Variants in FAM20A observed in about 807,000 individuals in gnomAD.
FAM20A encodes pseudokinase FAM20A.
FAM20A carries 42 observed loss-of-function variants against 52.0 expected under a neutral mutation model. The ratio of observed to expected loss-of-function variants is 0.81; its 90% confidence interval spans 0.63 to 1.04. FAM20A has a LOEUF of 1.04. Among genes scored for constraint, FAM20A ranks in the 50% least tolerant of loss-of-function variants. The pLI is 0.00. For missense variants in FAM20A, 742 were observed against 712.7 expected, an observed-to-expected ratio of 1.04 and a Z score of -0.47; for synonymous variants, 304 against 298.9, an observed-to-expected ratio of 1.02 and a Z score of -0.18.
chr17:68,539,522 T>A, intron 9 of FAM20A, 126 bp from the exon 10 acceptor site: 2 of 831,596 alleles, frequency 2.4e-6, no homozygotes, highest in South Asian at 1.4e-5. Context: ...TCATGGCAGC[T>A]GCCTCTCCAG....
chr17:68,558,073 G>A (rs748315717), intron 1 of FAM20A, among the ~76,000 whole-genome samples: 7 of 152,128 alleles, frequency 4.6e-5, no homozygotes, highest in African/African-American at 1.2e-4. Context: ...AAGATCCAGG[G>A]CATCAGAAGC....
intron 1 of FAM20A, among the ~76,000 whole-genome samples, chr17:68,570,386 A>G (rs1199021375): frequency 6.6e-6 from 1 of 152,134 alleles, no homozygotes; most frequent in African/African-American, 2.4e-5. Context: ...CAGATGCTCA[A>G]TAAATATTTG....
intron 1 of FAM20A, among the ~76,000 whole-genome samples, chr17:68,595,557 G>T (rs1280990721): frequency 6.6e-6 from 1 of 152,184 alleles, no homozygotes. Context: ...TGGAAGTCAG[G>T]CTCCCCACTC....
At chr17:68,554,072 A>G (rs1002215025) in intron 3 of FAM20A, among the ~76,000 whole-genome samples, 3 of 149,396 alleles carry the variant, frequency 2.0e-5, no homozygotes, top group African/African-American at 7.5e-5. Flanking sequence ...ACACACATAT[A>G]CACACATATA....
chr17:68,600,740 G>T lies in FAM20A; in HGVS notation c.-74C>A. 2 of 1,472,158 alleles carry T rather than the reference G, an allele frequency of 1.4e-6. No homozygotes were observed. Among genetic ancestry groups the T allele is most frequent in the Non-Finnish European group, 1.8e-6 (2 of 1,108,638 alleles). The allele number at this position is 1,472,158 out of a possible 1,614,324, so 91.2% of individuals were successfully genotyped here. ...GTCCCGGGAGGGGTCGCGGGGTGCG[G>T]GCAGAAGAGGTGCCTGGAGTCCCGC... On this transcript the variant is annotated 5_prime_UTR_variant, in exon 1 of 11. Transcript: ENST00000592554. This position sits in a 1 kb window ranked among gnomAD's most constrained non-coding sequence, Gnocchi z 6.2.
Position 68,565,383 on chromosome 17 carries a change from C to CTT in FAM20A, c.405-9642_405-9641dup, listed in dbSNP as rs796800181. On this transcript the variant is annotated intron_variant, in intron 1 of 10. Transcript: ENST00000592554. ...CCTGGAGTTTAACCTCCATTACCTC[C>CTT]TTTTTTTTTTTTTTTTTTTTTTTTT... 1.5e-3 allele frequency among the ~76,000 whole-genome samples: 154 copies of CTT among 103,784 alleles called. 15 individuals carry two copies. The highest frequency in any genetic ancestry group is 5.0e-3 in the African/African-American group (116 of 22,978). The allele number at this position is 103,784 out of a possible 152,430, so 68.1% of individuals were successfully genotyped here.
In FAM20A at chr17:68,600,328, C is replaced by G. The variant is rs771199261; in HGVS notation, c.339G>C (p.Glu113Asp). Reference sequence around the variant, plus strand: ...CCTCCTGGCTGGCCAGGAGCGAGTCCTCGGCTCCCAGGAGAGGCGGCTCCT... The same window carrying G: ...CCTCCTGGCTGGCCAGGAGCGAGTCGTCGGCTCCCAGGAGAGGCGGCTCCT... The part of the protein sequence containing the change: ...VPEEPPLLGA[E>D]DSLLASQEAL... The change falls in exon 1 of 11, where the codon GAG becomes GAC. Residue 113 changes from glutamate to aspartate, a missense_variant. Glu to Asp is a conservative substitution (Grantham distance 45). Coordinates refer to ENST00000592554, the MANE Select transcript of FAM20A (RefSeq NM_017565.4). This position sits in a 1 kb window ranked among gnomAD's most constrained non-coding sequence, Gnocchi z 6.2. 46 of 1,594,980 alleles carry G rather than the reference C, an allele frequency of 2.9e-5. No homozygotes were observed. The African/African-American group carries it at 5.0e-4, about 17-fold the overall frequency.
intron 1 of FAM20A, among the ~76,000 whole-genome samples, chr17:68,596,872 AAAAG>A (rs56733276): frequency 0.034 from 5,224 of 152,038 alleles, 164 homozygotes; most frequent in South Asian, 0.15. Context: ...TTTTGGGGGG[AAAAG>A]AAAGGAAGGG....
chr17:68,564,526 A>T (rs561178330), intron 1 of FAM20A, among the ~76,000 whole-genome samples: 7 of 152,312 alleles, frequency 4.6e-5, no homozygotes, highest in African/African-American at 1.4e-4. Flanking sequence ...CTTGCATTAG[A>T]CACCACCACA....
At chr17:68,550,795 T>C (rs2086801739) in intron 4 of FAM20A, among the ~76,000 whole-genome samples, 1 of 152,186 alleles carries the variant, frequency 6.6e-6, no homozygotes, top group Non-Finnish European at 1.5e-5. Flanking sequence ...GGCATAAGGA[T>C]TTTTAAAGCC....
chr17:68,540,600 C>T, intron 8 of FAM20A: 2 of 595,184 alleles, frequency 3.4e-6, no homozygotes, highest in Admixed American at 2.1e-5. Context: ...CTGACGCCCA[C>T]TCAGGCCCGT....
At chr17:68,563,305 GAACT>G (rs2087272732) in intron 1 of FAM20A, among the ~76,000 whole-genome samples, 2 of 150,694 alleles carry the variant, frequency 1.3e-5, no homozygotes, top group African/African-American at 4.9e-5. Flanking sequence ...AGAATTGCTT[GAACT>G]CGGGAGGCGG....
chr17:68,569,092 T>A (rs1194801490), intron 1 of FAM20A, among the ~76,000 whole-genome samples: 2 of 152,042 alleles, frequency 1.3e-5, no homozygotes, highest in Non-Finnish European at 2.9e-5. Flanking sequence ...GCTCTTTTTC[T>A]TTCTCCCTCT....
intron 1 of FAM20A, among the ~76,000 whole-genome samples, chr17:68,578,246 A>G (rs1420546034): frequency 2.0e-5 from 3 of 152,230 alleles, no homozygotes; most frequent in African/African-American, 7.2e-5. Context: ...ACTGCCTATC[A>G]TACAGGCATG....
intron 1 of FAM20A, among the ~76,000 whole-genome samples, chr17:68,565,720 T>G (rs1410033995): frequency 6.6e-6 from 1 of 152,114 alleles, no homozygotes; most frequent in Non-Finnish European, 1.5e-5. Flanking sequence ...TTTTCCCCTT[T>G]TTTTCTGTTG....
At chr17:68,573,604 CTCTTT>C (rs2087638696) in intron 1 of FAM20A, among the ~76,000 whole-genome samples, 1 of 147,218 alleles carries the variant, frequency 6.8e-6, no homozygotes, top group Non-Finnish European at 1.5e-5. Flanking sequence ...TTCTTTCTCT[CTCTTT>C]TCTTCCTTCC....
At chr17:68,562,121 G>T (rs2087232784) in intron 1 of FAM20A, among the ~76,000 whole-genome samples, 1 of 152,192 alleles carries the variant, frequency 6.6e-6, no homozygotes, top group Admixed American at 6.5e-5. Flanking sequence ...ACCACGCCCG[G>T]CCCCCAGTAC....
intron 7 of FAM20A, 68 bp downstream of exon 7, chr17:68,541,917 C>A: frequency 6.5e-7 from 1 of 1,529,518 alleles, no homozygotes; most frequent in Non-Finnish European, 8.8e-7. Context: ...AAGCTAGCAA[C>A]AAGTCCCTGG....
At chr17:68,550,200 G>A (rs2086768788) in intron 4 of FAM20A, among the ~76,000 whole-genome samples, 1 of 151,810 alleles carries the variant, frequency 6.6e-6, no homozygotes, top group Admixed American at 6.6e-5. Flanking sequence ...ATCTACAGTG[G>A]GAGAACAAAA....
Sources: gnomAD v4.1 joint callset for allele counts (sites outside exome capture counted in the v4.1 genomes callset) on GRCh38, gnomAD v4.1.1 for gene constraint, Gnocchi (gnomAD v3.1) non-coding constraint, MANE v1.5 for transcripts, NCBI Gene and HGNC (gene_info 2026-07-23, HGNC 2026-07-21) for gene names.